SH3PXD2B: variants seen among roughly 807,000 people sequenced by gnomAD.
SH3PXD2B encodes the protein SH3 and PX domain-containing protein 2B.
A neutral mutation model predicts 73.1 loss-of-function variants in SH3PXD2B; 37 were observed. The ratio of observed to expected loss-of-function variants is 0.51; its 90% CI spans 0.39 to 0.67. The LOEUF (loss-of-function observed/expected upper bound fraction) is 0.67, where lower values mean the gene tolerates loss of function less well. Among genes scored for constraint, SH3PXD2B ranks in the 30% least tolerant of loss-of-function variants. SH3PXD2B has a pLI of 0.00. For missense variants in SH3PXD2B, 1,053 were observed against 1,197.8 expected, an observed-to-expected ratio of 0.88 and a Z score of 1.78; for synonymous variants, 457 against 480.5, an observed-to-expected ratio of 0.95 and a Z score of 0.64.
At chr5:172,433,834 G>C (rs1234182900) in intron 1 of SH3PXD2B, among the ~76,000 whole-genome samples, 1 of 152,178 alleles carries the variant, frequency 6.6e-6, no homozygotes, top group Non-Finnish European at 1.5e-5. Context: ...AATCCATGTT[G>C]GTTGGTTGGA....
chr5:172,406,463 C>T, intron 2 of SH3PXD2B, 111 bp from the exon 3 acceptor site: 2 of 1,258,284 alleles, frequency 1.6e-6, no homozygotes, highest in Non-Finnish European at 2.3e-6. Context: ...ACTAAAAGTT[C>T]ACTGCGTTCA....
chr5:172,402,692 G>A (rs1270853633), intron 3 of SH3PXD2B, among the ~76,000 whole-genome samples: 5 of 152,182 alleles, frequency 3.3e-5, no homozygotes, highest in African/African-American at 1.2e-4. Flanking sequence ...GAATTTTGGG[G>A]AAGGCATTTA....
At chr5:172,369,610 A>G (rs2113345013) in intron 6 of SH3PXD2B, among the ~76,000 whole-genome samples, 1 of 152,272 alleles carries the variant, frequency 6.6e-6, no homozygotes. Flanking sequence ...TGTACTAAAC[A>G]TGCAAAAATT....
downstream of SH3PXD2B, among the ~76,000 whole-genome samples, chr5:172,329,083 A>ATATATATTTTTTTTTTTTTTTT (rs58472514): frequency 1.6e-5 from 1 of 61,818 alleles, no homozygotes; most frequent in African/African-American, 7.8e-5. Flanking sequence ...ATATATATAT[A>ATATATATTTTTTTTTTTTTTTT]TTTTTTTTTT....
Position 172,335,607 on chromosome 5 carries a change from G to T in SH3PXD2B, c.*2762C>A. 8.1e-7 allele frequency: 1 copy of T among 1,231,886 alleles called. No homozygotes were observed. Among genetic ancestry groups the T allele is most frequent in the Non-Finnish European group, 1.0e-6 (1 of 988,076 alleles). The allele number at this position is 1,231,886 out of a possible 1,614,324, so 76.3% of individuals were successfully genotyped here. ...TGTTTAGGCACTGGTCACCAGCCCG[G>T]TGCTTGGCACCATTGTCACGATGGG... On this transcript the variant is annotated 3_prime_UTR_variant, in exon 13 of 13. Coordinates refer to ENST00000311601, the MANE Select transcript of SH3PXD2B (RefSeq NM_001017995.3).
intron 5 of SH3PXD2B, among the ~76,000 whole-genome samples, chr5:172,374,287 C>T (rs959818251): frequency 1.3e-5 from 2 of 152,128 alleles, no homozygotes; most frequent in African/African-American, 2.4e-5. Flanking sequence ...ACACAGTGCA[C>T]CTCCCAAGTG....
At chr5:172,449,960 T>A (rs1415192857) in intron 1 of SH3PXD2B, among the ~76,000 whole-genome samples, 1 of 152,134 alleles carries the variant, frequency 6.6e-6, no homozygotes, top group Non-Finnish European at 1.5e-5. Context: ...ATCTCAAAAG[T>A]GCTTATTTAT....
At position 172,334,595 on chromosome 5, in the gene SH3PXD2B, G is replaced by A; in HGVS notation, c.*3774C>T. 1.0e-6 allele frequency: 1 copy of A among 985,506 alleles called. No individual in the cohort carries two copies. Among genetic ancestry groups the A allele is most frequent in the Non-Finnish European group, 1.2e-6 (1 of 829,966 alleles). 61.0% of individuals were successfully genotyped at this position (985,506 alleles called of 1,614,324 possible). ...CAAAGAGAAAGGTACGGCCTCCAAG[G>A]GGGCAGCTTAAGCCAACATGTAAGA... On this transcript the variant is annotated 3_prime_UTR_variant, in exon 13 of 13. Transcript: ENST00000311601.
chr5:172,413,785 G>A (rs1274332394), intron 2 of SH3PXD2B, among the ~76,000 whole-genome samples: 1 of 152,236 alleles, frequency 6.6e-6, no homozygotes, highest in African/African-American at 2.4e-5. Context: ...ATAGCTTTTA[G>A]TGGGAAGGGA....
chr5:172,364,377 C>T (rs1054630257), intron 6 of SH3PXD2B, among the ~76,000 whole-genome samples: 2 of 152,004 alleles, frequency 1.3e-5, no homozygotes, highest in African/African-American at 4.8e-5. Context: ...CAAAATACAC[C>T]CAATTGGCCA....
At chr5:172,367,068 C>T (rs920980973) in intron 6 of SH3PXD2B, among the ~76,000 whole-genome samples, 12 of 151,494 alleles carry the variant, frequency 7.9e-5, no homozygotes, top group Non-Finnish European at 1.6e-4. Context: ...TCCCGAGTAA[C>T]TGGGACTACA....
chr5:172,369,763 A>T (rs1757661000), intron 6 of SH3PXD2B, among the ~76,000 whole-genome samples: 1 of 152,118 alleles, frequency 6.6e-6, no homozygotes, highest in Non-Finnish European at 1.5e-5. Flanking sequence ...GTGAGACTTC[A>T]TCTCAAAAAA....
At chr5:172,448,097 C>A (rs1759713878) in intron 1 of SH3PXD2B, among the ~76,000 whole-genome samples, 1 of 152,228 alleles carries the variant, frequency 6.6e-6, no homozygotes, top group Non-Finnish European at 1.5e-5. Flanking sequence ...ACTCTTGTGA[C>A]ACAGACACAG....
chr5:172,338,370 T>C lies in SH3PXD2B; in HGVS notation c.2735A>G (p.Ter912TrpextTer20), dbSNP rs1185109935. 2 of 1,613,974 alleles carry C rather than the reference T, an allele frequency of 1.2e-6. No individual in the cohort carries two copies. Among genetic ancestry groups the C allele is most frequent in the Non-Finnish European group, 1.7e-6 (2 of 1,180,040 alleles). Residue 912 changes from the stop codon to tryptophan, a stop_lost, in exon 13 of 13, where the codon TAG (stop) becomes TGG (tryptophan). Coordinates refer to ENST00000311601, the MANE Select transcript of SH3PXD2B (RefSeq NM_001017995.3). The surrounding 1 kb of genome is among the most constrained non-coding windows in gnomAD (Gnocchi z 5.1). ...IPSNYLRKKP[*>W] ...CCCTCTAGGCAGAAAGGGAGTCGGC[T>C]ACGGCTTCTTTCTGAGATAGTTGGA...
rs79921764 is a variant in SH3PXD2B at position 172,424,478 on chromosome 5, C to T, written c.76-1982G>A. ...CTTTTCAAATGAGTTCTTAGGAGAA[C>T]ATTCACATTCCAAACAGAAAAAGAT... On this transcript the variant is annotated intron_variant, in intron 1 of 12. Transcript: ENST00000311601. 7.8e-3 allele frequency among the ~76,000 whole-genome samples: 1,191 copies of T among 152,316 alleles called. 16 individuals are homozygous for T. The highest frequency in any genetic ancestry group is 0.027 in the African/African-American group (1,138 of 41,550).
chr5:172,366,713 C>A (rs2731713), intron 6 of SH3PXD2B, among the ~76,000 whole-genome samples: 77,055 of 151,012 alleles, frequency 0.51, 20,775 homozygotes, highest in African/African-American at 0.69. Flanking sequence ...GCTCACTGCA[C>A]TCTCTGCCTC....
chr5:172,400,617 G>A (rs1163173554), intron 3 of SH3PXD2B, among the ~76,000 whole-genome samples: 1 of 152,114 alleles, frequency 6.6e-6, no homozygotes, highest in East Asian at 1.9e-4. Context: ...CCCCACTACC[G>A]TCCCCCTCTC....
intron 4 of SH3PXD2B, among the ~76,000 whole-genome samples, chr5:172,385,527 G>A (rs1758041260): frequency 1.3e-5 from 2 of 152,216 alleles, no homozygotes; most frequent in Non-Finnish European, 2.9e-5. Context: ...TACGTGCCTA[G>A]ACAGTGCTGG....
chr5:172,453,150 A>T (rs1288361441), intron 1 of SH3PXD2B, among the ~76,000 whole-genome samples: 1 of 151,824 alleles, frequency 6.6e-6, no homozygotes, highest in Non-Finnish European at 1.5e-5. Context: ...GACGACTTCC[A>T]GGGAGGCCAA....
Sources: allele counts gnomAD v4.1 joint callset (sites outside exome capture counted in the v4.1 genomes callset), GRCh38; gene constraint gnomAD v4.1.1; non-coding constraint Gnocchi (gnomAD v3.1); transcripts MANE v1.5; gene names NCBI Gene and HGNC (gene_info 2026-07-23, HGNC 2026-07-21).